The following HTR1E variants were observed in gnomAD, a reference collection of about 807,000 sequenced individuals.
HTR1E encodes 5-HT-1E.
Under a neutral mutation model 3.4 loss-of-function variants are expected in HTR1E, and 3 were observed. The observed-to-expected ratio is 0.89, with a 90% CI of 0.41 to 2.31. The LOEUF is 2.31. HTR1E is among the 30% of genes most tolerant of loss of function. HTR1E has a pLI of 0.05. For synonymous variants in HTR1E, 170 were observed against 182.8 expected (o/e 0.93, Z 0.56); for missense variants, 392 against 467.0 (o/e 0.84, Z 1.48).
At chr6:86,959,120 C>T (rs1216723476) in intron 1 of HTR1E, among the ~76,000 whole-genome samples, 1 of 152,132 alleles carries the variant, frequency 6.6e-6, no homozygotes, top group African/African-American at 2.4e-5. Context: ...TGAAGACGGT[C>T]TAGAGGCAGA....
rs1344413515 is a variant in HTR1E, at chr6:87,010,354, C to A, written c.-185-4796C>A. ...CTCCCTCCCGGACGGGGCGGCTGGC[C>A]GGGCGGGGGGCTGACCCCCCCATCT... is the stretch of plus-strand genomic sequence containing the variant. On this transcript the variant is annotated intron_variant, in intron 1 of 1. Transcript: ENST00000305344. 2.7e-5 allele frequency among the ~76,000 whole-genome samples: 3 copies of A among 112,804 alleles called. No homozygotes were observed. In the Admixed American group the frequency reaches 2.7e-4, roughly 10 times the overall value. The allele number at this position is 112,804 out of a possible 152,430, so 74.0% of individuals were successfully genotyped here.
At chr6:86,962,022 T>C (rs151200848) in intron 1 of HTR1E, among the ~76,000 whole-genome samples, 192 of 152,288 alleles carry the variant, frequency 1.3e-3, no homozygotes, top group African/African-American at 4.5e-3. Flanking sequence ...GCAGGGAAGA[T>C]AAGTAACAAA....
intron 1 of HTR1E, among the ~76,000 whole-genome samples, chr6:86,984,418 T>C (rs1767754668): frequency 6.6e-6 from 1 of 152,210 alleles, no homozygotes; most frequent in African/African-American, 2.4e-5. Context: ...GCTTCAGTGC[T>C]TAGAGCAACT....
At chr6:86,940,915 T>C (rs1459072883) in intron 1 of HTR1E, among the ~76,000 whole-genome samples, 2 of 152,278 alleles carry the variant, frequency 1.3e-5, no homozygotes, top group Non-Finnish European at 2.9e-5. Flanking sequence ...TCATGCTTTA[T>C]GCTCCTTTCT....
Position 86,944,665 on chromosome 6 carries a change from T to C in HTR1E, c.-186+6842T>C, listed in dbSNP as rs56208173. ...CTTAGTTCTCTCATGAAAGTGATGA[T>C]AATAACAGACTTACCAGGATAAAAT... is the stretch of plus-strand genomic sequence containing the variant. On this transcript the variant is annotated intron_variant, in intron 1 of 1. Transcript: ENST00000305344. 6.5e-3 allele frequency among the ~76,000 whole-genome samples: 984 copies of C among 152,304 alleles called. 10 individuals carry two copies. The highest frequency in any genetic ancestry group is 0.022 in the African/African-American group (922 of 41,564).
At position 87,015,818 on chromosome 6, in the gene HTR1E, A is replaced by G; in HGVS notation, c.484A>G (p.Ser162Gly). 6.2e-7 allele frequency: 1 copy of G among 1,613,566 alleles called. No individual in the cohort carries two copies. The highest frequency in any genetic ancestry group is 8.5e-7 in the Non-Finnish European group (1 of 1,179,728). ...FISMPPLFWRSHRRLSPPPSQ... is the reference protein window; with the variant it reads ...FISMPPLFWRGHRRLSPPPSQ... Reference sequence around the variant, plus strand: ...CTCCATGCCCCCTCTGTTCTGGAGAAGCCACCGCCGCCTAAGCCCTCCCCC... The same window carrying G: ...CTCCATGCCCCCTCTGTTCTGGAGAGGCCACCGCCGCCTAAGCCCTCCCCC... The change falls in exon 2 of 2, where the codon AGC (serine) becomes GGC (glycine). Residue 162 changes from serine to glycine, a missense_variant. Around this residue, in one of 3 missense-constraint regions of HTR1E, gnomAD observed 189 missense variants for 258.0 expected, o/e 0.73. Coordinates refer to ENST00000305344, the MANE Select transcript of HTR1E (RefSeq NM_000865.3).
chr6:86,963,712 G>A (rs1331589339), intron 1 of HTR1E, among the ~76,000 whole-genome samples: 1 of 151,982 alleles, frequency 6.6e-6, no homozygotes, highest in Non-Finnish European at 1.5e-5. Context: ...ACATTATTTG[G>A]TACAGTAACA....
intron 1 of HTR1E, among the ~76,000 whole-genome samples, chr6:87,010,571 C>T (rs1768211436): frequency 7.0e-6 from 1 of 143,436 alleles, no homozygotes; most frequent in African/African-American, 2.6e-5. Context: ...AGAGACGCTC[C>T]TCACTTCCTA....
intron 1 of HTR1E, among the ~76,000 whole-genome samples, chr6:86,993,165 A>G (rs1415021608): frequency 6.6e-6 from 1 of 152,206 alleles, no homozygotes; most frequent in Admixed American, 6.5e-5. Context: ...AGCAAGAAGA[A>G]AACTTTCAGA....
chr6:86,993,013 G>T (rs1767891970), intron 1 of HTR1E, among the ~76,000 whole-genome samples: 1 of 152,000 alleles, frequency 6.6e-6, no homozygotes, highest in African/African-American at 2.4e-5. Context: ...CCTCCCCTAG[G>T]TCCCCAGAGA....
At chr6:86,970,961 G>A in intron 1 of HTR1E, 1 of 379,760 alleles carries the variant, frequency 2.6e-6, no homozygotes, top group South Asian at 2.3e-5. Context: ...CGCCTTGACA[G>A]ATAACACTTT....
rs1768306055 is a variant in HTR1E at position 87,015,466 on chromosome 6, C to G, written c.132C>G (p.Ile44Met). The G allele has an allele frequency of 1.9e-6, 3 of 1,614,036 alleles. No individual in the cohort carries two copies. Among genetic ancestry groups the G allele is most frequent in the Non-Finnish European group, 2.5e-6 (3 of 1,179,986 alleles). Reference protein sequence around the residue: ...TLTTLLNLAVIMAIGTTKKLH... With the variant: ...TLTTLLNLAVMMAIGTTKKLH... The stretch of plus-strand genomic sequence containing the variant: ...CCACGTTGCTGAACTTGGCTGTGAT[C>G]ATGGCTATTGGCACCACCAAGAAGC... Residue 44 changes from isoleucine (I) to methionine (M), a missense_variant, in exon 2 of 2, where the codon ATC becomes ATG. By Grantham distance (10) the Ile-to-Met change is conservative. Coordinates refer to ENST00000305344, the MANE Select transcript of HTR1E (RefSeq NM_000865.3).
At position 87,015,394 on chromosome 6, in the gene HTR1E, T is replaced by A. The variant is rs948756041; in HGVS notation, c.60T>A (p.Thr20=). Residue 20 remains threonine, a synonymous_variant, in exon 2 of 2, where the codon ACT becomes ACA. Transcript: ENST00000305344. ...TGGCTATAAGACCCAAGACCATCAC[T>A]GAGAAGATGCTCATTTGCATGACTC... The part of the protein sequence containing the change: ...ASMAIRPKTI[T]EKMLICMTLV... The A allele has an allele frequency of 6.2e-7, 1 of 1,609,974 alleles. No individual in the cohort carries two copies. Among genetic ancestry groups the A allele is most frequent in the Middle Eastern group, 1.7e-4 (1 of 6,038 alleles).
At chr6:87,010,472 G>A (rs1269621192) in intron 1 of HTR1E, among the ~76,000 whole-genome samples, 1 of 150,416 alleles carries the variant, frequency 6.6e-6, no homozygotes, top group Admixed American at 6.6e-5. Flanking sequence ...CCCAGACGGG[G>A]TCTCGGCCGG....
intron 1 of HTR1E, among the ~76,000 whole-genome samples, chr6:87,010,837 C>T (rs936432631): frequency 2.0e-5 from 3 of 152,070 alleles, no homozygotes; most frequent in Non-Finnish European, 4.4e-5. Flanking sequence ...CCCGTCCGCT[C>T]CTCCAGCCGC....
intron 1 of HTR1E, among the ~76,000 whole-genome samples, chr6:86,941,604 C>T (rs1014693524): frequency 6.6e-6 from 1 of 152,188 alleles, no homozygotes; most frequent in African/African-American, 2.4e-5. Flanking sequence ...AAACCTAATC[C>T]TTCTGCATCT....
chr6:86,957,224 G>A (rs1291688655), intron 1 of HTR1E, among the ~76,000 whole-genome samples: 1 of 152,188 alleles, frequency 6.6e-6, no homozygotes, highest in African/African-American at 2.4e-5. Flanking sequence ...GCATTTGTGA[G>A]ACTTTTCAAA....
At chr6:86,970,477 G>T in intron 1 of HTR1E, 1 of 157,610 alleles carries the variant, frequency 6.3e-6, no homozygotes, top group South Asian at 1.7e-4. Flanking sequence ...AAGAGAAGAA[G>T]GTTCCTGCTT....
At chr6:86,954,432 G>A (rs1767293667) in intron 1 of HTR1E, among the ~76,000 whole-genome samples, 1 of 152,172 alleles carries the variant, frequency 6.6e-6, no homozygotes, top group Non-Finnish European at 1.5e-5. Flanking sequence ...TGCTCAGACA[G>A]CTGAATAGTA....
Sources: allele counts gnomAD v4.1 joint callset (sites outside exome capture counted in the v4.1 genomes callset), GRCh38; gene constraint gnomAD v4.1.1; regional missense constraint gnomAD v4.1.1; transcripts MANE v1.5; gene names NCBI Gene and HGNC (gene_info 2026-07-23, HGNC 2026-07-21).